BANP: variants seen among roughly 807,000 people sequenced by gnomAD.
The protein encoded by BANP is BTG3 associated nuclear protein, also known as protein BANP.
A neutral mutation model predicts 68.1 loss-of-function variants in BANP; 11 were observed. That is an observed-to-expected ratio of 0.16 (90% CI 0.10 to 0.27). The LOEUF (loss-of-function observed/expected upper bound fraction) is 0.27, where lower values mean the gene tolerates loss of function less well. Ranked by LOEUF, BANP falls within the 10% of genes least tolerant of loss-of-function variation. The pLI, the probability that BANP is intolerant of heterozygous loss-of-function variation, is 1.00. For synonymous variants in BANP, 329 were observed against 303.2 expected, an observed-to-expected ratio of 1.09 and a Z score of -0.88; for missense variants, 504 against 722.7, an observed-to-expected ratio of 0.70 and a Z score of 3.47.
Position 88,018,471 on chromosome 16 carries a change from C to G in BANP, c.699C>G (p.Pro233=), listed in dbSNP as rs76505268. The G allele has an allele frequency of 2.4e-4, 382 of 1,613,304 alleles. 5 individuals carry two copies. The East Asian group carries it at 5.6e-3, about 24-fold the overall frequency. The change falls in exon 7 of 14, where the codon CCC becomes CCG. Residue 233 remains proline (P), a synonymous_variant. Transcript: ENST00000682872. This position sits in a 1 kb window ranked among gnomAD's most constrained non-coding sequence, Gnocchi z 7.7. ...CCTGGCTGGGCGACGAGAACAACCC[C>G]GAGATGCGGGTACGCTGCGCCATCA... ...NGTWLGDENN[P]EMRVRCAIIP... is the part of the protein sequence containing the mutation.
At chr16:87,988,179 A>G (rs1305429430) in intron 4 of BANP, among the ~76,000 whole-genome samples, 1 of 152,230 alleles carries the variant, frequency 6.6e-6, no homozygotes, top group Non-Finnish European at 1.5e-5. Context: ...AAAATTGGGC[A>G]GTGGAACATT....
At position 88,021,405 on chromosome 16, in the gene BANP, C is replaced by G. The variant is rs556894556; in HGVS notation, c.895+2738C>G. Among the ~76,000 whole-genome samples the G allele has an allele frequency of 9.9e-5, 15 of 152,246 alleles. No individual in the cohort carries two copies. The South Asian group carries it at 1.2e-3, about 13-fold the overall frequency. ...GTGAATTCTGGTCTCTAGAGCCGAG[C>G]TTTGGGAAGGTCATGGTGTGGCTGA... On this transcript the variant is annotated intron_variant, in intron 7 of 13. Transcript: ENST00000682872.
intron 1 of BANP, among the ~76,000 whole-genome samples, chr16:87,953,871 A>G (rs188700374): frequency 1.1e-3 from 162 of 152,190 alleles, no homozygotes; most frequent in African/African-American, 3.7e-3. Flanking sequence ...GAATGTTTTC[A>G]TCTTGGCTCT....
At chr16:87,971,319 A>G (rs936370765) in intron 1 of BANP, among the ~76,000 whole-genome samples, 6 of 152,092 alleles carry the variant, frequency 3.9e-5, no homozygotes, top group Admixed American at 1.3e-4. Flanking sequence ...GCTCTTCCCA[A>G]TGCCTCTCCA....
intron 4 of BANP, among the ~76,000 whole-genome samples, chr16:87,986,180 G>A (rs1178391149): frequency 1.3e-5 from 2 of 152,170 alleles, no homozygotes; most frequent in African/African-American, 4.8e-5. Flanking sequence ...GAGAACCACT[G>A]TTTTAAGGAA....
chr16:88,026,162 G>T lies in BANP; in HGVS notation c.896-1321G>T, dbSNP rs901216912. 2.0e-4 allele frequency among the ~76,000 whole-genome samples: 30 copies of T among 152,236 alleles called. 1 individual carries two copies. Among genetic ancestry groups the T allele is most frequent in the Non-Finnish European group, 1.2e-4 (8 of 68,044 alleles). ...TCCGTAGCGCAGGTGGTAGAGAACT[G>T]GGGGTCCCAGGACAGTTCTCTGCGT... On this transcript the variant is annotated intron_variant, in intron 7 of 13. Coordinates refer to ENST00000682872, the MANE Select transcript of BANP (RefSeq NM_001386991.1).
chr16:88,038,132 CT>C (rs1460543629), intron 11 of BANP, 121 bp downstream of exon 11: 1 of 517,216 alleles, frequency 1.9e-6, no homozygotes, highest in Non-Finnish European at 3.3e-6. Flanking sequence ...GGGCATTGCG[CT>C]GCCGAGGGGT....
intron 1 of BANP, among the ~76,000 whole-genome samples, chr16:87,965,123 C>G (rs563358228): frequency 7.2e-4 from 109 of 152,152 alleles, no homozygotes; most frequent in Non-Finnish European, 1.9e-4. Context: ...CATGCATCCT[C>G]AAGTCAGGAA....
At position 88,002,840 on chromosome 16, in the gene BANP, G is replaced by C. The variant is rs893719270; in HGVS notation, c.363-1455G>C. ...GTGGCCACTGTGAATAGTCATTAGG[G>C]GACTGTTGGCTTCTCAGCAGCACCG... On this transcript the variant is annotated intron_variant, in intron 4 of 13. Coordinates refer to ENST00000682872, the MANE Select transcript of BANP (RefSeq NM_001386991.1). The surrounding 1 kb of genome is among the most constrained non-coding windows in gnomAD (Gnocchi z 4.6). Among the ~76,000 whole-genome samples, 4 of 152,134 alleles carry C rather than the reference G, an allele frequency of 2.6e-5. No individual in the cohort carries two copies. The South Asian group carries it at 8.3e-4, about 32-fold the overall frequency.
chr16:88,076,711 G>GC lies in BANP; in HGVS notation c.*55dup. On this transcript the variant is annotated 3_prime_UTR_variant, in exon 14 of 14. Transcript: ENST00000682872. ...CCTCGCCGGCTCCGCCTACGGCCCG[G>GC]CCCCCACGCGCCCTGCTCTCACGGC... The GC allele has an allele frequency of 6.8e-7, 1 of 1,478,684 alleles. No homozygotes were observed. Among genetic ancestry groups the GC allele is most frequent in the Non-Finnish European group, 9.2e-7 (1 of 1,087,948 alleles). 91.6% of individuals were successfully genotyped at this position (1,478,684 alleles called of 1,614,324 possible). A position where few individuals can be genotyped will look rare whatever the true frequency, so the allele number is the denominator to read the frequency against.
In BANP at chr16:88,057,473, C is replaced by T. The variant is rs1018004680; in HGVS notation, c.1312-7794C>T. Among the ~76,000 whole-genome samples the T allele has an allele frequency of 6.6e-6, 1 of 152,000 alleles. No individual in the cohort carries two copies. The highest frequency in any genetic ancestry group is 1.5e-5 in the Non-Finnish European group (1 of 67,986). Reference sequence around the variant, plus strand: ...GATGCCCTGGAGACTCTTGCGGTCCCCTCCACGTGTTCACCTCGTCAGAGT... The same window carrying T: ...GATGCCCTGGAGACTCTTGCGGTCCTCTCCACGTGTTCACCTCGTCAGAGT... On this transcript the variant is annotated intron_variant, in intron 11 of 13. Coordinates refer to ENST00000682872, the MANE Select transcript of BANP (RefSeq NM_001386991.1). This position sits in a 1 kb window ranked among gnomAD's most constrained non-coding sequence, Gnocchi z 4.6.
intron 6 of BANP, 146 bp downstream of exon 6, chr16:88,006,411 C>G (rs2071124772): frequency 3.1e-6 from 3 of 963,596 alleles, no homozygotes; most frequent in African/African-American, 3.3e-5. Context: ...CTTTGGGAGG[C>G]TGAGGCGGGC....
intron 1 of BANP, among the ~76,000 whole-genome samples, chr16:87,965,817 T>G (rs1597825910): frequency 6.6e-6 from 1 of 152,332 alleles, no homozygotes; most frequent in East Asian, 1.9e-4. Context: ...CATCACTTGG[T>G]TGTAGAAACA....
At chr16:87,964,654 G>A (rs1230993793) in intron 1 of BANP, among the ~76,000 whole-genome samples, 1 of 152,220 alleles carries the variant, frequency 6.6e-6, no homozygotes, top group African/African-American at 2.4e-5. Context: ...TTTATGTGAC[G>A]CCTTGAGCGC....
intron 7 of BANP, among the ~76,000 whole-genome samples, chr16:88,025,094 C>G (rs536254470): frequency 5.3e-5 from 8 of 152,260 alleles, no homozygotes; most frequent in African/African-American, 1.7e-4. Context: ...TTTATCGACT[C>G]GTGCTCCAAA....
intron 6 of BANP, among the ~76,000 whole-genome samples, chr16:88,008,286 G>A (rs1026543535): frequency 1.3e-5 from 2 of 152,180 alleles, no homozygotes; most frequent in African/African-American, 4.8e-5. Context: ...TGTGAACGTT[G>A]AGGTGCAGGT....
At chr16:88,009,138 T>G (rs2072223362) in intron 6 of BANP, among the ~76,000 whole-genome samples, 1 of 152,222 alleles carries the variant, frequency 6.6e-6, no homozygotes, top group South Asian at 2.1e-4. Context: ...GCGTCCTCTC[T>G]TCAGCACTTC....
Position 88,033,254 on chromosome 16 carries a change from C to T in BANP, c.1200+9C>T, listed in dbSNP as rs563870216. 7.7e-6 allele frequency: 12 copies of T among 1,567,564 alleles called. No individual in the cohort carries two copies. Among genetic ancestry groups the T allele is most frequent in the South Asian group, 2.3e-5 (2 of 86,014 alleles). ...ACGGACAGGTGCAAGTAGTACGTACCCTCTCCACCTCACACCTTGGGAAAG... is the reference window on the plus strand; with the variant it reads ...ACGGACAGGTGCAAGTAGTACGTACTCTCTCCACCTCACACCTTGGGAAAG... On this transcript the variant is annotated intron_variant, in intron 9 of 13. Coordinates refer to ENST00000682872, the MANE Select transcript of BANP (RefSeq NM_001386991.1).
intron 11 of BANP, among the ~76,000 whole-genome samples, chr16:88,038,717 G>C (rs752572093): frequency 6.6e-6 from 1 of 152,136 alleles, no homozygotes; most frequent in African/African-American, 2.4e-5. Flanking sequence ...GGAGGGTGTT[G>C]CTGTGCAGGA....
Sources: allele counts gnomAD v4.1 joint callset (sites outside exome capture counted in the v4.1 genomes callset), GRCh38; gene constraint gnomAD v4.1.1; non-coding constraint Gnocchi (gnomAD v3.1); transcripts MANE v1.5; gene names NCBI Gene and HGNC (gene_info 2026-07-23, HGNC 2026-07-21).